Variants in ZNF407 observed in about 807,000 individuals in gnomAD.
The protein encoded by ZNF407 is zinc finger protein 407.
ZNF407 carries 17 observed loss-of-function variants against 131.2 expected under a neutral mutation model. The ratio of observed to expected loss-of-function variants is 0.13; its 90% CI spans 0.09 to 0.19. The LOEUF (loss-of-function observed/expected upper bound fraction) is 0.19, where lower values mean the gene tolerates loss of function less well. Among genes scored for constraint, ZNF407 ranks in the 10% least tolerant of loss-of-function variants. The pLI is 1.00. For synonymous variants in ZNF407, 1,156 were observed against 1,062.0 expected (o/e 1.09, Z -1.72); for missense variants, 2,681 against 2,830.6 (o/e 0.95, Z 1.20).
chr18:74,728,333 G>A (rs145035105), intron 3 of ZNF407, among the ~76,000 whole-genome samples: 1 of 152,248 alleles, frequency 6.6e-6, no homozygotes, highest in African/African-American at 2.4e-5. Flanking sequence ...AGAGATGAGG[G>A]TGTTAGGTTT....
At chr18:74,922,783 C>T (rs1197053763) in intron 8 of ZNF407, among the ~76,000 whole-genome samples, 6 of 152,166 alleles carry the variant, frequency 3.9e-5, no homozygotes, top group African/African-American at 1.4e-4. Flanking sequence ...ATCGAAGAGT[C>T]TAGGAGTTTG....
chr18:74,705,150 A>ATTTT (rs113918730), intron 3 of ZNF407, among the ~76,000 whole-genome samples: 2,214 of 150,560 alleles, frequency 0.015, 44 homozygotes, highest in Admixed American at 0.058. Flanking sequence ...AGAAAAATAC[A>ATTTT]TTTTTTTTTT....
rs140075484 is a variant in ZNF407 at position 74,949,838 on chromosome 18, C to G, written c.5428+29146C>G. Reference sequence around the variant, plus strand: ...AGGAAGGTCAACACAAGGGCAGGCACTCTCAGACCACAGCTGAAACCCACA... The same window carrying G: ...AGGAAGGTCAACACAAGGGCAGGCAGTCTCAGACCACAGCTGAAACCCACA... On this transcript the variant is annotated intron_variant, in intron 8 of 8. Coordinates refer to ENST00000299687, the MANE Select transcript of ZNF407 (RefSeq NM_017757.3). Among the ~76,000 whole-genome samples the G allele has an allele frequency of 3.8e-3, 579 of 152,316 alleles. 3 individuals carry two copies. Among genetic ancestry groups the G allele is most frequent in the African/African-American group, 0.013 (552 of 41,568 alleles).
At chr18:75,058,970 A>C (rs1455141947) in intron 8 of ZNF407, among the ~76,000 whole-genome samples, 1 of 152,212 alleles carries the variant, frequency 6.6e-6, no homozygotes, top group Admixed American at 6.5e-5. Flanking sequence ...AGCAGTACTG[A>C]CAGCACTCGA....
intron 2 of ZNF407, among the ~76,000 whole-genome samples, chr18:74,636,379 T>G (rs2144679748): frequency 6.6e-6 from 1 of 152,310 alleles, no homozygotes; most frequent in Admixed American, 6.5e-5. Flanking sequence ...AAGCTACTGT[T>G]CTAAATTTAT....
intron 8 of ZNF407, among the ~76,000 whole-genome samples, chr18:75,007,600 A>G (rs1196017584): frequency 6.6e-6 from 1 of 152,196 alleles, no homozygotes; most frequent in African/African-American, 2.4e-5. Flanking sequence ...AACGTTGTAC[A>G]GTTTTCTTAT....
chr18:74,690,094 G>C (rs188325479), intron 3 of ZNF407, among the ~76,000 whole-genome samples: 3 of 152,158 alleles, frequency 2.0e-5, no homozygotes, highest in African/African-American at 7.2e-5. Flanking sequence ...TGTTATCTTG[G>C]ATCAATACCT....
chr18:74,911,279 T>C (rs1032530054), intron 7 of ZNF407, among the ~76,000 whole-genome samples: 3 of 152,238 alleles, frequency 2.0e-5, no homozygotes, highest in Non-Finnish European at 4.4e-5. Flanking sequence ...CTATAGATGA[T>C]TGTTAACAAC....
chr18:74,844,992 A>G (rs954544668), intron 4 of ZNF407, among the ~76,000 whole-genome samples: 1 of 152,232 alleles, frequency 6.6e-6, no homozygotes, highest in Non-Finnish European at 1.5e-5. Flanking sequence ...GAGCCAGGTG[A>G]TCCTGATTGA....
chr18:74,938,013 A>G (rs374260607), intron 8 of ZNF407, among the ~76,000 whole-genome samples: 3 of 152,152 alleles, frequency 2.0e-5, no homozygotes, highest in African/African-American at 7.2e-5. Flanking sequence ...GCTCATATTC[A>G]GGACTTCTGC....
intron 3 of ZNF407, among the ~76,000 whole-genome samples, chr18:74,736,914 T>C (rs1445687986): frequency 6.6e-6 from 1 of 152,196 alleles, no homozygotes; most frequent in East Asian, 1.9e-4. Flanking sequence ...CCTAAAAGTA[T>C]CTTCATGAGA....
intron 1 of ZNF407, among the ~76,000 whole-genome samples, chr18:74,612,749 G>A (rs1054393576): frequency 6.6e-6 from 1 of 152,228 alleles, no homozygotes; most frequent in South Asian, 2.1e-4. Flanking sequence ...ATTAATAAGT[G>A]TTATCCTTGC....
intron 4 of ZNF407, among the ~76,000 whole-genome samples, chr18:74,814,518 T>A (rs952723649): frequency 6.6e-6 from 1 of 152,198 alleles, no homozygotes; most frequent in Non-Finnish European, 1.5e-5. Flanking sequence ...TTTATTTGAA[T>A]ATAAGTTTCC....
chr18:75,031,164 C>T (rs927010515), intron 8 of ZNF407, among the ~76,000 whole-genome samples: 2 of 152,130 alleles, frequency 1.3e-5, no homozygotes, highest in Non-Finnish European at 2.9e-5. Flanking sequence ...CTGTAAAGGG[C>T]CAGGGGAGCT....
chr18:75,038,699 G>A (rs1407604935), intron 8 of ZNF407, among the ~76,000 whole-genome samples: 1 of 152,196 alleles, frequency 6.6e-6, no homozygotes, highest in East Asian at 1.9e-4. Flanking sequence ...CATTAACAAT[G>A]GAGAAGTGCC....
At chr18:74,950,294 C>T (rs1383427787) in intron 8 of ZNF407, among the ~76,000 whole-genome samples, 1 of 152,182 alleles carries the variant, frequency 6.6e-6, no homozygotes, top group Non-Finnish European at 1.5e-5. Context: ...TTCCTACCTA[C>T]CACACTTAAT....
intron 7 of ZNF407, among the ~76,000 whole-genome samples, chr18:74,900,070 T>C (rs752608454): frequency 3.9e-5 from 6 of 152,244 alleles, no homozygotes; most frequent in Non-Finnish European, 8.8e-5. Context: ...TTAATGTTTA[T>C]GTGCCAAATG....
At chr18:74,974,206 C>T (rs1367102067) in intron 8 of ZNF407, among the ~76,000 whole-genome samples, 1 of 152,186 alleles carries the variant, frequency 6.6e-6, no homozygotes, top group Non-Finnish European at 1.5e-5. Flanking sequence ...GACGATTTTT[C>T]TTGGTCCTGT....
At chr18:74,887,919 G>A (rs913130297) in intron 6 of ZNF407, among the ~76,000 whole-genome samples, 1 of 152,128 alleles carries the variant, frequency 6.6e-6, no homozygotes, top group African/African-American at 2.4e-5. Context: ...CCACCAAATG[G>A]GTTGTGTATG....
Sources: gnomAD v4.1 joint callset for allele counts (sites outside exome capture counted in the v4.1 genomes callset) on GRCh38, gnomAD v4.1.1 for gene constraint, MANE v1.5 for transcripts, NCBI Gene and HGNC (gene_info 2026-07-23, HGNC 2026-07-21) for gene names.